The following RARB variants were observed in gnomAD, a reference collection of about 807,000 sequenced individuals.
The protein encoded by RARB is retinoic acid receptor beta, also known as HBV-activated protein.
A neutral mutation model predicts 51.9 loss-of-function variants in RARB; 17 were observed. That is an observed-to-expected ratio of 0.33 (90% CI 0.22 to 0.49). RARB has a LOEUF of 0.49. RARB is among the 20% of genes least tolerant of loss of function. The pLI is 0.99. For missense variants in RARB, 369 were observed against 550.8 expected, an observed-to-expected ratio of 0.67 and a Z score of 3.30; for synonymous variants, 215 against 195.4, an observed-to-expected ratio of 1.10 and a Z score of -0.84.
chr3:25,083,540 T>A (rs1163654425), intron 3 of RARB, among the ~76,000 whole-genome samples: 1 of 152,200 alleles, frequency 6.6e-6, no homozygotes, highest in African/African-American at 2.4e-5. Context: ...TGTTAACTCA[T>A]TATGTCCATC....
intron 5 of RARB, among the ~76,000 whole-genome samples, chr3:25,220,149 G>T (rs538903830): frequency 1.4e-4 from 22 of 152,232 alleles, no homozygotes; most frequent in South Asian, 2.1e-4. Flanking sequence ...TGATTGAACT[G>T]CCTTTGGACT....
chr3:24,888,765 T>C (rs2885598), intron 2 of RARB, among the ~76,000 whole-genome samples: 7,834 of 152,192 alleles, frequency 0.051, 383 homozygotes, highest in East Asian at 0.18. Context: ...CAGGAAAGGA[T>C]TGTGGAAAGA....
At chr3:25,066,604 AACACACAC>A (rs5847340) in intron 3 of RARB, among the ~76,000 whole-genome samples, 17 of 146,728 alleles carry the variant, frequency 1.2e-4, no homozygotes, top group East Asian at 6.0e-4. Flanking sequence ...CGCACACATA[AACACACAC>A]ACACACACAC....
At chr3:24,890,923 T>G (rs576071873) in intron 2 of RARB, among the ~76,000 whole-genome samples, 76 of 152,312 alleles carry the variant, frequency 5.0e-4, no homozygotes, top group Middle Eastern at 3.4e-3. Flanking sequence ...GTTAAGGCTT[T>G]CTTTCTTCTC....
intron 3 of RARB, among the ~76,000 whole-genome samples, chr3:25,519,167 C>T (rs1698297926): frequency 1.3e-5 from 2 of 152,102 alleles, no homozygotes; most frequent in Non-Finnish European, 2.9e-5. Flanking sequence ...AGGCTTTTCT[C>T]ATGTTGATGG....
chr3:25,185,845 T>C (rs140693568), intron 5 of RARB, among the ~76,000 whole-genome samples: 2 of 152,296 alleles, frequency 1.3e-5, no homozygotes, highest in African/African-American at 4.8e-5. Flanking sequence ...TATGCCACTA[T>C]TGATGATAAT....
chr3:25,504,406 G>A (rs77056903), intron 3 of RARB, among the ~76,000 whole-genome samples: 2,483 of 152,268 alleles, frequency 0.016, 45 homozygotes, highest in Middle Eastern at 0.061. Flanking sequence ...TGGGTCATGT[G>A]CCCTTCTGTG....
chr3:25,534,657 ATTTC>A (rs1699064908), intron 3 of RARB, among the ~76,000 whole-genome samples: 1 of 151,640 alleles, frequency 6.6e-6, no homozygotes, highest in South Asian at 2.1e-4. Flanking sequence ...GTTTTTGTTT[ATTTC>A]TTTTTCTTTT....
chr3:25,102,434 G>A (rs1452187387), intron 3 of RARB, among the ~76,000 whole-genome samples: 2 of 151,982 alleles, frequency 1.3e-5, no homozygotes, highest in African/African-American at 4.8e-5. Flanking sequence ...CAACTACTCG[G>A]GGGGCTGAGG....
rs565669101 is a variant in RARB, at chr3:25,478,166, A to C, written c.306+16825A>C. Among the ~76,000 whole-genome samples, 5 of 152,270 alleles carry C rather than the reference A, an allele frequency of 3.3e-5. No homozygotes were observed. The South Asian group carries it at 1.0e-3, about 32-fold the overall frequency. On this transcript the variant is annotated intron_variant, in intron 2 of 7. Coordinates refer to ENST00000330688, the MANE Select transcript of RARB (RefSeq NM_000965.5). ...TTTATTCCCTAGCCTTGCAAGTCCC[A>C]TAGTGTTCCTCCTGTCAAATTCTAT...
In RARB at chr3:24,970,006, G is replaced by T. The variant is rs557256584; in HGVS notation, c.-379-90119G>T. 9.6e-4 allele frequency among the ~76,000 whole-genome samples: 146 copies of T among 152,098 alleles called. 1 individual carries two copies. Among genetic ancestry groups the T allele is most frequent in the African/African-American group, 3.4e-3 (140 of 41,508 alleles). The stretch of plus-strand genomic sequence containing the variant: ...GGAAAAAGAACGATCACCTAAAACA[G>T]GAGTCAACAAACGTTATATAAAGGA... On this transcript the variant is annotated intron_variant, in intron 2 of 11. Coordinates refer to the RARB transcript ENST00000383772.
At chr3:25,077,501 T>C (rs1486489370) in intron 3 of RARB, among the ~76,000 whole-genome samples, 2 of 152,166 alleles carry the variant, frequency 1.3e-5, no homozygotes, top group African/African-American at 4.8e-5. Flanking sequence ...GATTCATCCA[T>C]GTCGTTGTAT....
chr3:25,507,648 A>G (rs970293958), intron 3 of RARB, among the ~76,000 whole-genome samples: 3 of 152,144 alleles, frequency 2.0e-5, no homozygotes, highest in Non-Finnish European at 2.9e-5. Context: ...CCCAGTTAAG[A>G]GGGAGAAGCA....
intron 3 of RARB, among the ~76,000 whole-genome samples, chr3:25,089,842 C>G (rs1699166033): frequency 6.6e-6 from 1 of 152,022 alleles, no homozygotes; most frequent in Admixed American, 6.6e-5. Context: ...AGATTCTATT[C>G]CTAGTTAAAT....
At chr3:25,307,689 AG>A (rs1437211504) in intron 5 of RARB, among the ~76,000 whole-genome samples, 2 of 152,212 alleles carry the variant, frequency 1.3e-5, no homozygotes, top group East Asian at 3.9e-4. Context: ...AGAGATGAGT[AG>A]GTCCTATAAC....
chr3:25,112,016 C>A (rs747314466), intron 3 of RARB, among the ~76,000 whole-genome samples: 20 of 152,138 alleles, frequency 1.3e-4, no homozygotes, highest in Non-Finnish European at 1.9e-4. Context: ...TGCTAGGTGG[C>A]AAGAGGCAGT....
At chr3:25,204,057 C>A (rs928310360) in intron 5 of RARB, among the ~76,000 whole-genome samples, 1 of 152,152 alleles carries the variant, frequency 6.6e-6, no homozygotes, top group Non-Finnish European at 1.5e-5. Context: ...CCATCACTTT[C>A]GGGTACACCA....
intron 3 of RARB, among the ~76,000 whole-genome samples, chr3:25,563,156 G>C (rs192614592): frequency 6.6e-6 from 1 of 152,128 alleles, no homozygotes; most frequent in Non-Finnish European, 1.5e-5. Context: ...CTTAGACTTC[G>C]AGGTTGTAGG....
chr3:25,329,061 G>A (rs1181901854), intron 5 of RARB, among the ~76,000 whole-genome samples: 4 of 152,184 alleles, frequency 2.6e-5, no homozygotes, highest in South Asian at 4.1e-4. Flanking sequence ...GCAGCTCAAG[G>A]AGGCCTGCCT....
Sources: allele counts gnomAD v4.1 joint callset (sites outside exome capture counted in the v4.1 genomes callset), GRCh38; gene constraint gnomAD v4.1.1; transcripts MANE v1.5; gene names NCBI Gene and HGNC (gene_info 2026-07-23, HGNC 2026-07-21).